Variants in DSC3 observed in about 807,000 individuals in gnomAD.
DSC3 encodes the protein desmocollin 3.
Under a neutral mutation model 89.5 loss-of-function variants are expected in DSC3, and 97 were observed. The observed-to-expected ratio is 1.08, with a 90% CI of 0.92 to 1.28. DSC3 has a LOEUF of 1.28. Among genes scored for constraint, DSC3 ranks in the 50% most tolerant of loss-of-function variants. The pLI, the probability that DSC3 is intolerant of heterozygous loss-of-function variation, is 0.00. For missense variants in DSC3, 1,199 were observed against 1,085.3 expected (o/e 1.10, Z -1.47); for synonymous variants, 436 against 384.1 (o/e 1.14, Z -1.58).
At position 31,018,071 on chromosome 18, in the gene DSC3, C is replaced by A; in HGVS notation, c.1263G>T (p.Lys421Asn). 6.2e-7 allele frequency: 1 copy of A among 1,610,816 alleles called. No homozygotes were observed. The highest frequency in any genetic ancestry group is 8.5e-7 in the Non-Finnish European group (1 of 1,178,086). ...ETNEGVLSVV[K>N]PLNYEENRQV... ...AGTTGTCAATTATACATTACTGTAC[C>A]TTTACAACAGAAAGAACACCTTCAT... The change falls in exon 9 of 16, where the codon AAG becomes AAT. Residue 421 changes from lysine to asparagine, a missense_variant and splice_region_variant. Lys to Asn is a moderately conservative substitution (Grantham distance 94, BLOSUM62 0). Transcript: ENST00000360428.
At chr18:31,027,659 G>C (rs1985645595) in intron 4 of DSC3, among the ~76,000 whole-genome samples, 1 of 152,052 alleles carries the variant, frequency 6.6e-6, no homozygotes, top group Non-Finnish European at 1.5e-5. Flanking sequence ...GTGTTTTCCT[G>C]ACTGTGCCAG....
In DSC3 at chr18:30,989,740, A is replaced by T. The variant is rs1252757996; in HGVS notation, c.*4435T>A. On this transcript the variant is annotated 3_prime_UTR_variant, in exon 16 of 16. Transcript: ENST00000360428. ...GTAAACATGTTCTGAATACTATTTA[A>T]TTTTTCTGCCCATGAAACCAAGCCT... 2.0e-5 allele frequency among the ~76,000 whole-genome samples: 3 copies of T among 152,170 alleles called. No homozygotes were observed. Among genetic ancestry groups the T allele is most frequent in the East Asian group, 1.9e-4 (1 of 5,188 alleles).
At chr18:31,041,525 GC>G (rs1567964539) in intron 1 of DSC3, among the ~76,000 whole-genome samples, 2 of 152,132 alleles carry the variant, frequency 1.3e-5, no homozygotes, top group African/African-American at 4.8e-5. Context: ...GTAAGAATCC[GC>G]GAGACCAGAC....
intron 6 of DSC3, among the ~76,000 whole-genome samples, chr18:31,023,182 G>A (rs1985482764): frequency 6.6e-6 from 1 of 151,898 alleles, no homozygotes; most frequent in Middle Eastern, 3.2e-3. Flanking sequence ...TTTTGAAAAA[G>A]GGAAAGCATA....
At chr18:31,035,217 A>G (rs1985932157) in intron 1 of DSC3, among the ~76,000 whole-genome samples, 1 of 152,126 alleles carries the variant, frequency 6.6e-6, no homozygotes, top group African/African-American at 2.4e-5. Flanking sequence ...ATACAAATAT[A>G]TACATTATCA....
chr18:30,999,742 C>G (rs1984590254), intron 14 of DSC3, among the ~76,000 whole-genome samples: 1 of 152,086 alleles, frequency 6.6e-6, no homozygotes, highest in Non-Finnish European at 1.5e-5. Context: ...ACTCCTAATC[C>G]CATGTGCATG....
chr18:31,022,368 T>C lies in DSC3; in HGVS notation c.910A>G (p.Ile304Val). Residue 304 changes from isoleucine to valine, a missense_variant, in exon 7 of 16, where the codon ATC becomes GTC. Coordinates refer to ENST00000360428, the MANE Select transcript of DSC3 (RefSeq NM_001941.5). ...TCCAAATAATGAGAGACTGTGGTGA[T>C]TACGCCTGTGCTGGGATGCACAGAA... ...LFSVHPSTGV[I>V]TTVSHYLDRE... 1 of 1,614,016 alleles carries C rather than the reference T, an allele frequency of 6.2e-7. No homozygotes were observed. The highest frequency in any genetic ancestry group is 8.5e-7 in the Non-Finnish European group (1 of 1,179,944).
chr18:31,004,395 T>G (rs1984769444), intron 12 of DSC3, 29 bp from the exon 13 acceptor site: 1 of 1,582,610 alleles, frequency 6.3e-7, no homozygotes, highest in Non-Finnish European at 8.7e-7. Context: ...AGTTTATTTT[T>G]TAATGATCAT....
intron 15 of DSC3, among the ~76,000 whole-genome samples, 198 bp downstream of exon 15, chr18:30,996,593 T>A (rs1984474103): frequency 6.6e-6 from 1 of 152,080 alleles, no homozygotes; most frequent in South Asian, 2.1e-4. Flanking sequence ...ATTTTATAAA[T>A]TAAATGAAAT....
At chr18:31,033,346 T>C (rs1985865391) in intron 1 of DSC3, among the ~76,000 whole-genome samples, 1 of 152,060 alleles carries the variant, frequency 6.6e-6, no homozygotes, top group African/African-American at 2.4e-5. Flanking sequence ...GAAAGACCTA[T>C]TTACCAATTT....
At chr18:31,034,140 C>T (rs1490298198) in intron 1 of DSC3, among the ~76,000 whole-genome samples, 1 of 151,928 alleles carries the variant, frequency 6.6e-6, no homozygotes, top group Non-Finnish European at 1.5e-5. Context: ...AAAATTCAAA[C>T]GAATAAAGGA....
intron 5 of DSC3, 62 bp from the exon 6 acceptor site, chr18:31,024,555 C>G (rs1441859372): frequency 1.3e-6 from 2 of 1,545,312 alleles, no homozygotes; most frequent in Admixed American, 1.9e-5. Context: ...GAATAAGATG[C>G]TTTATCTACT....
intron 1 of DSC3, among the ~76,000 whole-genome samples, chr18:31,036,265 T>C (rs577552231): frequency 1.4e-4 from 22 of 152,322 alleles, no homozygotes; most frequent in African/African-American, 5.3e-4. Context: ...GTTGCCAACC[T>C]AATGGCTGTT....
chr18:31,037,561 T>A (rs981620307), intron 1 of DSC3, among the ~76,000 whole-genome samples: 11 of 152,180 alleles, frequency 7.2e-5, no homozygotes, highest in African/African-American at 2.4e-4. Flanking sequence ...CCTTGTAACA[T>A]TCATTCATTC....
intron 7 of DSC3, among the ~76,000 whole-genome samples, chr18:31,021,965 ATAAT>A (rs1054656016): frequency 6.7e-6 from 1 of 150,342 alleles, no homozygotes; most frequent in Non-Finnish European, 1.5e-5. Context: ...TATATCTATA[ATAAT>A]TAAAGTAGAA....
At position 31,032,554 on chromosome 18, in the gene DSC3, ATGTGTGTG is replaced by A. The variant is rs936935279; in HGVS notation, c.70-286_70-279del. Among the ~76,000 whole-genome samples the A allele has an allele frequency of 3.2e-3, 293 of 92,380 alleles. 2 individuals are homozygous for A. The highest frequency in any genetic ancestry group is 0.025 in the Middle Eastern group (4 of 160). 60.6% of individuals were successfully genotyped at this position (92,380 alleles called of 152,430 possible). A position where few individuals can be genotyped will look rare whatever the true frequency, so the allele number is the denominator to read the frequency against. On this transcript the variant is annotated intron_variant, in intron 1 of 15. Coordinates refer to ENST00000360428, the MANE Select transcript of DSC3 (RefSeq NM_001941.5). ...CTCTGCTCTAACTGCTTCTGTGTGT[ATGTGTGTG>A]TGTGTGTGTGTGTGTGTGTGTGTGT...
chr18:31,015,447 A>G (rs1371894461), intron 9 of DSC3, among the ~76,000 whole-genome samples: 1 of 152,206 alleles, frequency 6.6e-6, no homozygotes, highest in Non-Finnish European at 1.5e-5. Flanking sequence ...ATACAAAAGA[A>G]CATTGAGTAC....
At chr18:31,031,513 CAT>C (rs1339970913) in intron 2 of DSC3, among the ~76,000 whole-genome samples, 1 of 152,074 alleles carries the variant, frequency 6.6e-6, no homozygotes, top group Non-Finnish European at 1.5e-5. Context: ...CCTGAATAAA[CAT>C]ATAGAAGAGT....
chr18:31,034,838 A>C (rs1985920350), intron 1 of DSC3, among the ~76,000 whole-genome samples: 1 of 152,206 alleles, frequency 6.6e-6, no homozygotes, highest in South Asian at 2.1e-4. Context: ...TATGAGGCTT[A>C]TTTTTAAGGT....
Sources: allele counts gnomAD v4.1 joint callset (sites outside exome capture counted in the v4.1 genomes callset), GRCh38; gene constraint gnomAD v4.1.1; transcripts MANE v1.5; gene names NCBI Gene and HGNC (gene_info 2026-07-23, HGNC 2026-07-21).